Variants in TOX3 observed in about 807,000 individuals in gnomAD.
TOX3 encodes TOX high mobility group box family member 3, also known as CAG trinucleotide repeat-containing gene F9 protein.
Under a neutral mutation model 64.3 loss-of-function variants are expected in TOX3, and 22 were observed. That is an observed-to-expected ratio of 0.34 (90% CI 0.24 to 0.49). The LOEUF (loss-of-function observed/expected upper bound fraction) is 0.49. Among genes scored for constraint, TOX3 ranks in the 20% least tolerant of loss-of-function variants. TOX3 has a pLI of 0.99. For synonymous variants in TOX3, 291 were observed against 273.6 expected, an observed-to-expected ratio of 1.06 and a Z score of -0.63; for missense variants, 661 against 714.4, an observed-to-expected ratio of 0.93 and a Z score of 0.85.
At position 52,437,789 on chromosome 16, in the gene TOX3, TAAAAAA is replaced by T. The variant is rs67145443; in HGVS notation, c.*1430_*1435del. Among the ~76,000 whole-genome samples the T allele has an allele frequency of 1.9e-3, 216 of 111,344 alleles. No homozygotes were observed. The highest frequency in any genetic ancestry group is 4.0e-3 in the African/African-American group (117 of 29,566). The allele number at this position is 111,344 out of a possible 152,430, so 73.0% of individuals were successfully genotyped here. Reference sequence around the variant, plus strand: ...CTATACTTACCTTGTACTTGCATCTTAAAAAAAAAAAAAAAAAAAAAAAAGACAATT... The same window carrying T: ...CTATACTTACCTTGTACTTGCATCTTAAAAAAAAAAAAAAAAAAGACAATT... On this transcript the variant is annotated 3_prime_UTR_variant, in exon 7 of 7. Coordinates refer to ENST00000219746, the MANE Select transcript of TOX3 (RefSeq NM_001080430.4).
At chr16:52,497,579 A>T (rs1961881627) in intron 1 of TOX3, among the ~76,000 whole-genome samples, 1 of 152,238 alleles carries the variant, frequency 6.6e-6, no homozygotes, top group Admixed American at 6.5e-5. Context: ...GTCACTAAAG[A>T]TTAACAGTAT....
intron 1 of TOX3, among the ~76,000 whole-genome samples, chr16:52,487,927 T>C (rs185927582): frequency 5.3e-5 from 8 of 152,204 alleles, no homozygotes; most frequent in Admixed American, 3.3e-4. Flanking sequence ...AAGCAAATTT[T>C]CCCCCACAAT....
intron 3 of TOX3, among the ~76,000 whole-genome samples, chr16:52,458,490 C>G (rs1332854377): frequency 6.6e-6 from 1 of 152,188 alleles, no homozygotes; most frequent in Non-Finnish European, 1.5e-5. Flanking sequence ...TTTGCTGTCT[C>G]TGAACCATCA....
intron 1 of TOX3, among the ~76,000 whole-genome samples, chr16:52,517,943 A>G (rs1346154762): frequency 6.6e-6 from 1 of 152,196 alleles, no homozygotes; most frequent in Admixed American, 6.5e-5. Context: ...AATTTTATCT[A>G]ATAAAAAGTA....
In TOX3 at chr16:52,439,479, G is replaced by T. The variant is rs1421442490; in HGVS notation, c.1477C>A (p.Gln493Lys). ...QHHMQQHLQQ[Q>K]QQHLQQQINQ... is the part of the protein sequence containing the mutation. The stretch of plus-strand genomic sequence containing the variant: ...ATTTGCTGCTGGAGATGCTGCTGCT[G>T]CTGCTGCAGGTGCTGCTGCATGTGG... Residue 493 changes from glutamine to lysine, a missense_variant, in exon 7 of 7, where the codon CAG becomes AAG. Transcript: ENST00000219746. The T allele has an allele frequency of 2.1e-6, 3 of 1,422,796 alleles. No homozygotes were observed. The African/African-American group carries it at 4.3e-5, about 20-fold the overall frequency. 88.1% of individuals were successfully genotyped at this position (1,422,796 alleles called of 1,614,324 possible). A position where few individuals can be genotyped will look rare whatever the true frequency, so the allele number is the denominator to read the frequency against.
intron 1 of TOX3, among the ~76,000 whole-genome samples, chr16:52,469,577 G>A (rs1319471937): frequency 6.6e-6 from 1 of 152,112 alleles, no homozygotes; most frequent in Non-Finnish European, 1.5e-5. Context: ...TCTCCAAAGG[G>A]TGAAATGTGT....
chr16:52,546,991 C>T lies in TOX3; in HGVS notation c.-268G>A. The T allele has an allele frequency of 1.0e-6, 1 of 975,224 alleles. No homozygotes were observed. Among genetic ancestry groups the T allele is most frequent in the South Asian group, 4.6e-5 (1 of 21,924 alleles). 60.4% of individuals were successfully genotyped at this position (975,224 alleles called of 1,614,324 possible). A position where few individuals can be genotyped will look rare whatever the true frequency, so the allele number is the denominator to read the frequency against. On this transcript the variant is annotated 5_prime_UTR_variant, in exon 1 of 7. Transcript: ENST00000219746. The stretch of plus-strand genomic sequence containing the variant: ...CACCGAGGCAGCGCTGCGCGCGGGC[C>T]GGGCGCCGGGGGCGCGGGGCGCGGC...
At chr16:52,486,065 A>C (rs1385099577) in intron 1 of TOX3, among the ~76,000 whole-genome samples, 1 of 152,186 alleles carries the variant, frequency 6.6e-6, no homozygotes, top group African/African-American at 2.4e-5. Flanking sequence ...TTACCAGAAA[A>C]GTCTGGAATA....
At chr16:52,528,679 AATT>A (rs1472868203) in intron 1 of TOX3, among the ~76,000 whole-genome samples, 1 of 152,206 alleles carries the variant, frequency 6.6e-6, no homozygotes, top group East Asian at 1.9e-4. Flanking sequence ...AGGGGGAAGG[AATT>A]AGGCTGCTTT....
At chr16:52,470,338 C>T (rs915747327) in intron 1 of TOX3, among the ~76,000 whole-genome samples, 1 of 152,176 alleles carries the variant, frequency 6.6e-6, no homozygotes, top group African/African-American at 2.4e-5. Flanking sequence ...GCCCCCCAAA[C>T]CGCCTAACAA....
At chr16:52,537,456 T>C (rs190445931) in intron 1 of TOX3, among the ~76,000 whole-genome samples, 128 of 152,332 alleles carry the variant, frequency 8.4e-4, no homozygotes, top group African/African-American at 2.9e-3. Flanking sequence ...AAGCACAGGC[T>C]CATTTTGGTT....
chr16:52,442,122 G>T (rs770666647), intron 6 of TOX3, among the ~76,000 whole-genome samples: 13 of 152,192 alleles, frequency 8.5e-5, no homozygotes, highest in Middle Eastern at 3.2e-3. Flanking sequence ...ACGGTAAATG[G>T]AGATGGGTGG....
chr16:52,524,884 C>T (rs746456993), intron 1 of TOX3, among the ~76,000 whole-genome samples: 8 of 152,014 alleles, frequency 5.3e-5, no homozygotes, highest in Non-Finnish European at 1.2e-4. Context: ...TGTTTTCCCT[C>T]CCTGGCTCAC....
At chr16:52,503,431 C>T (rs1046819163) in intron 1 of TOX3, among the ~76,000 whole-genome samples, 7 of 152,190 alleles carry the variant, frequency 4.6e-5, no homozygotes, top group Non-Finnish European at 1.0e-4. Context: ...CCTGTACCTA[C>T]CTTATTATAG....
At chr16:52,546,523 C>T in intron 1 of TOX3, 114 bp downstream of exon 1, 1 of 916,280 alleles carries the variant, frequency 1.1e-6, no homozygotes, top group Non-Finnish European at 1.6e-6. Context: ...GTAGAAGAGA[C>T]ATGGGAGGAA....
At chr16:52,476,674 G>T (rs1961216983) in intron 1 of TOX3, among the ~76,000 whole-genome samples, 1 of 152,092 alleles carries the variant, frequency 6.6e-6, no homozygotes, top group Non-Finnish European at 1.5e-5. Flanking sequence ...TACATCTTTT[G>T]TGTTAATTCC....
rs1370998825 is a variant in TOX3, at chr16:52,546,908, G to C, written c.-185C>G. On this transcript the variant is annotated 5_prime_UTR_variant, in exon 1 of 7. Transcript: ENST00000219746. ...AGCCGCGGCCGCCGCACACAAAGGC[G>C]CGGCCACGCGAGCCGCGGGAGAGCG... 6 of 1,102,470 alleles carry C rather than the reference G, an allele frequency of 5.4e-6. No homozygotes were observed. Among genetic ancestry groups the C allele is most frequent in the Non-Finnish European group, 6.6e-6 (6 of 906,082 alleles). The allele number at this position is 1,102,470 out of a possible 1,614,324, so 68.3% of individuals were successfully genotyped here. A position where few individuals can be genotyped will look rare whatever the true frequency, so the allele number is the denominator to read the frequency against.
chr16:52,522,561 G>A (rs1220191122), intron 1 of TOX3, among the ~76,000 whole-genome samples: 1 of 152,146 alleles, frequency 6.6e-6, no homozygotes, highest in Admixed American at 6.5e-5. Context: ...TATGACACAG[G>A]GGTTTGTGAG....
chr16:52,459,623 CT>C (rs1960629545), intron 3 of TOX3, among the ~76,000 whole-genome samples: 1 of 152,150 alleles, frequency 6.6e-6, no homozygotes, highest in Admixed American at 6.5e-5. Flanking sequence ...ATCCTGTGAA[CT>C]TTAGCTCCCC....
Sources: gnomAD v4.1 joint callset for allele counts (sites outside exome capture counted in the v4.1 genomes callset) on GRCh38, gnomAD v4.1.1 for gene constraint, MANE v1.5 for transcripts, NCBI Gene and HGNC (gene_info 2026-07-23, HGNC 2026-07-21) for gene names.